EPN2: variants seen among roughly 807,000 people sequenced by gnomAD.
The protein encoded by EPN2 is epsin 2, also known as epsin-2.
In EPN2, 34 loss-of-function variants were observed where a neutral mutation model predicts 61.7. The observed-to-expected ratio is 0.55, with a 90% confidence interval of 0.42 to 0.73. The LOEUF (loss-of-function observed/expected upper bound fraction) is 0.73. Among genes scored for constraint, EPN2 ranks in the 30% least tolerant of loss-of-function variants. The pLI, the probability that EPN2 is intolerant of heterozygous loss-of-function variation, is 0.00. For missense variants in EPN2, 714 were observed against 839.2 expected, an observed-to-expected ratio of 0.85 and a Z score of 1.84; for synonymous variants, 349 against 353.6, an observed-to-expected ratio of 0.99 and a Z score of 0.15.
intron 7 of EPN2, among the ~76,000 whole-genome samples, chr17:19,320,832 C>T (rs1406597325): frequency 6.6e-6 from 1 of 152,214 alleles, no homozygotes; most frequent in Non-Finnish European, 1.5e-5. Flanking sequence ...TCACTGAACT[C>T]CAGTGTGCAG....
At chr17:19,247,495 A>G (rs1367499449) in intron 1 of EPN2, among the ~76,000 whole-genome samples, 3 of 152,358 alleles carry the variant, frequency 2.0e-5, no homozygotes, top group Non-Finnish European at 4.4e-5. Flanking sequence ...CAGTATCCCT[A>G]AGTGGAAGGC....
At chr17:19,327,919 AAGG>A (rs1352324845) in intron 7 of EPN2, among the ~76,000 whole-genome samples, 1 of 152,172 alleles carries the variant, frequency 6.6e-6, no homozygotes, top group Non-Finnish European at 1.5e-5. Flanking sequence ...CGCGAGAAGG[AAGG>A]AGATGTTGGT....
chr17:19,309,419 G>A (rs1906010211), intron 4 of EPN2, among the ~76,000 whole-genome samples: 3 of 152,214 alleles, frequency 2.0e-5, no homozygotes, highest in East Asian at 1.9e-4. Context: ...GTGAGCCACC[G>A]CGCCTGGCCT....
At chr17:19,266,648 C>T (rs1204959307) in intron 1 of EPN2, among the ~76,000 whole-genome samples, 4 of 151,258 alleles carry the variant, frequency 2.6e-5, no homozygotes, top group Admixed American at 6.6e-5. Flanking sequence ...GTGATCTGCC[C>T]GCCTCGGCCT....
chr17:19,278,019 A>G (rs1422262303), intron 1 of EPN2, among the ~76,000 whole-genome samples: 1 of 149,008 alleles, frequency 6.7e-6, no homozygotes, highest in Non-Finnish European at 1.5e-5. Flanking sequence ...GCTTGCAGTG[A>G]GCCGAGATCA....
intron 4 of EPN2, among the ~76,000 whole-genome samples, chr17:19,301,058 G>A (rs1905484571): frequency 6.6e-6 from 1 of 152,106 alleles, no homozygotes; most frequent in Admixed American, 6.5e-5. Flanking sequence ...AGGGAGCAGC[G>A]GGCAAGCAAA....
intron 7 of EPN2, among the ~76,000 whole-genome samples, chr17:19,317,580 G>T: frequency 6.6e-6 from 1 of 152,232 alleles, no homozygotes; most frequent in East Asian, 1.9e-4. Context: ...CCAGGCTGGC[G>T]GGTGGGAGGC....
intron 1 of EPN2, among the ~76,000 whole-genome samples, chr17:19,251,756 C>T (rs2045018325): frequency 6.6e-6 from 1 of 152,032 alleles, no homozygotes; most frequent in Non-Finnish European, 1.5e-5. Context: ...GTTGAGCAGG[C>T]AACTTGGAAG....
Position 19,334,936 on chromosome 17 carries a change from C to T in EPN2, c.*682C>T, listed in dbSNP as rs1324833460. The T allele has an allele frequency of 1.3e-5, 2 of 153,700 alleles. No homozygotes were observed. The highest frequency in any genetic ancestry group is 1.5e-5 in the Non-Finnish European group (1 of 68,924). 9.5% of individuals were successfully genotyped at this position (153,700 alleles called of 1,614,324 possible). A position where few individuals can be genotyped will look rare whatever the true frequency, so the allele number is the denominator to read the frequency against. ...CTTTTTTTGGCTAATATTTTTATAACGTGGTTCTTATTTAACTGTCTAGTT... is the reference window on the plus strand; with the variant it reads ...CTTTTTTTGGCTAATATTTTTATAATGTGGTTCTTATTTAACTGTCTAGTT... On this transcript the variant is annotated 3_prime_UTR_variant, in exon 11 of 11. Transcript: ENST00000314728. This position sits in a 1 kb window ranked among gnomAD's most constrained non-coding sequence, Gnocchi z 4.9.
At chr17:19,320,967 G>A (rs534060347) in intron 7 of EPN2, among the ~76,000 whole-genome samples, 6 of 152,274 alleles carry the variant, frequency 3.9e-5, no homozygotes, top group South Asian at 2.1e-4. Flanking sequence ...CTTGGATCTC[G>A]GGGATGGGCA....
chr17:19,292,824 G>C (rs996466651), intron 4 of EPN2, among the ~76,000 whole-genome samples: 1 of 152,216 alleles, frequency 6.6e-6, no homozygotes, highest in African/African-American at 2.4e-5. Context: ...TTGTCTAGAA[G>C]GTAGGCAGGG....
At chr17:19,315,334 G>GTA (rs1003672036) in intron 7 of EPN2, among the ~76,000 whole-genome samples, 1 of 152,130 alleles carries the variant, frequency 6.6e-6, no homozygotes, top group Non-Finnish European at 1.5e-5. Context: ...GTGAGACTCG[G>GTA]TACAGGAGTC....
Position 19,306,547 on chromosome 17 carries a change from G to A in EPN2, c.767-3338G>A, listed in dbSNP as rs148285227. 6.6e-5 allele frequency among the ~76,000 whole-genome samples: 10 copies of A among 152,364 alleles called. No individual in the cohort carries two copies. The East Asian group carries it at 1.9e-3, about 29-fold the overall frequency. On this transcript the variant is annotated intron_variant, in intron 4 of 10. Transcript: ENST00000314728. ...GTGAGCCAGTATGTGCCAGCTGTGC[G>A]TTATTCTAACAGTGTCAGTTATGGT...
At chr17:19,299,310 C>A (rs1178669095) in intron 4 of EPN2, among the ~76,000 whole-genome samples, 2 of 152,324 alleles carry the variant, frequency 1.3e-5, no homozygotes, top group African/African-American at 4.8e-5. Flanking sequence ...AAATGATTAT[C>A]TTTGTTGAAG....
intron 4 of EPN2, among the ~76,000 whole-genome samples, chr17:19,293,534 C>CTTT (rs71155390): frequency 5.1e-4 from 27 of 52,450 alleles, no homozygotes; most frequent in African/African-American, 2.2e-3. Flanking sequence ...CCATACCCAG[C>CTTT]TTTTTTTTTT....
intron 7 of EPN2, among the ~76,000 whole-genome samples, chr17:19,314,867 G>A (rs962174547): frequency 6.6e-6 from 1 of 152,238 alleles, no homozygotes; most frequent in South Asian, 2.1e-4. Flanking sequence ...TTTAGACAGT[G>A]GCTTTGGCTT....
chr17:19,290,606 G>A (rs1302678124), intron 4 of EPN2, among the ~76,000 whole-genome samples: 2 of 147,756 alleles, frequency 1.4e-5, no homozygotes, highest in Admixed American at 6.9e-5. Flanking sequence ...CGGAGCCAGA[G>A]CTACAGCTGT....
chr17:19,289,117 C>T (rs4079588), intron 4 of EPN2, among the ~76,000 whole-genome samples: 131,242 of 136,080 alleles, frequency 0.96, 63,557 homozygotes, highest in African/African-American at 0.99. Context: ...CAGAATCTTG[C>T]ACTGTCACCC....
chr17:19,328,350 G>C (rs543348745), intron 7 of EPN2, among the ~76,000 whole-genome samples: 1 of 152,266 alleles, frequency 6.6e-6, no homozygotes, highest in Admixed American at 6.5e-5. Context: ...TCTGTGGGGA[G>C]ATAGGTTTGT....
Sources: allele counts gnomAD v4.1 joint callset (sites outside exome capture counted in the v4.1 genomes callset), GRCh38; gene constraint gnomAD v4.1.1; non-coding constraint Gnocchi (gnomAD v3.1); transcripts MANE v1.5; gene names NCBI Gene and HGNC (gene_info 2026-07-23, HGNC 2026-07-21).